LRRC37A2: variants seen among roughly 807,000 people sequenced by gnomAD.
LRRC37A2 encodes leucine-rich repeat-containing protein 37A2.
LRRC37A2 carries 9 observed loss-of-function variants against 68.8 expected under a neutral mutation model. The observed-to-expected ratio is 0.13, with a 90% CI of 0.08 to 0.23. The LOEUF is 0.23. Among genes scored for constraint, LRRC37A2 ranks in the 10% least tolerant of loss-of-function variants. The pLI is 1.00. For synonymous variants in LRRC37A2, 63 were observed against 367.6 expected, an observed-to-expected ratio of 0.17 and a Z score of 9.48; for missense variants, 168 against 950.4, an observed-to-expected ratio of 0.18 and a Z score of 10.82.
chr17:46,867,837 G>C, the LRRC37A2 span, among the ~76,000 whole-genome samples: 2 of 152,134 alleles, frequency 1.3e-5, no homozygotes, highest in African/African-American at 4.8e-5. Context: ...AGACAGGCTG[G>C]TCTGTCAAGT....
At chr17:46,816,273 C>T in the LRRC37A2 span, among the ~76,000 whole-genome samples, 1 of 152,062 alleles carries the variant, frequency 6.6e-6, no homozygotes, top group East Asian at 1.9e-4. Flanking sequence ...TACACATGTA[C>T]ATACACACAT....
the LRRC37A2 span, among the ~76,000 whole-genome samples, chr17:46,918,331 G>C: frequency 1.3e-5 from 2 of 152,138 alleles, no homozygotes; most frequent in African/African-American, 2.4e-5. Context: ...GCCCACCTTG[G>C]CCTCACTAAG....
At chr17:46,403,989 C>T in the LRRC37A2 span, among the ~76,000 whole-genome samples, 1 of 59,770 alleles carries the variant, frequency 1.7e-5, no homozygotes, top group East Asian at 3.1e-4. Flanking sequence ...TGTGAGCCAC[C>T]GCAGCTGGCC....
chr17:46,864,126 G>C, the LRRC37A2 span, among the ~76,000 whole-genome samples: 1 of 152,226 alleles, frequency 6.6e-6, no homozygotes, highest in African/African-American at 2.4e-5. Context: ...CTGTGCGTGG[G>C]AAGAGGGTGA....
chr17:46,891,925 T>C, the LRRC37A2 span, among the ~76,000 whole-genome samples: 4,749 of 143,424 alleles, frequency 0.033, 99 homozygotes, highest in Non-Finnish European at 0.045. Flanking sequence ...TTTCTTTTTT[T>C]TTTTTTTTTT....
chr17:46,964,310 C>G, the LRRC37A2 span: 1 of 152,436 alleles, frequency 6.6e-6, no homozygotes, highest in South Asian at 2.1e-4. Context: ...CCAGGGCTCT[C>G]TGACATCCAA....
At chr17:46,954,334 T>A in the LRRC37A2 span, among the ~76,000 whole-genome samples, 1 of 152,226 alleles carries the variant, frequency 6.6e-6, no homozygotes. Flanking sequence ...TTGTCAAAGA[T>A]CAGATAGTAG....
chr17:46,968,430 G>T, the LRRC37A2 span, among the ~76,000 whole-genome samples: 1 of 152,194 alleles, frequency 6.6e-6, no homozygotes, highest in Admixed American at 6.5e-5. Flanking sequence ...CTAAAGCCCT[G>T]CCTGGGGTGT....
the LRRC37A2 span, among the ~76,000 whole-genome samples, chr17:46,495,398 T>G: frequency 1.3e-5 from 2 of 150,184 alleles, no homozygotes; most frequent in African/African-American, 5.0e-5. Context: ...TTGTTTTTGT[T>G]TTTAGAGACA....
chr17:46,707,038 A>T, the LRRC37A2 span, among the ~76,000 whole-genome samples: 1 of 150,430 alleles, frequency 6.6e-6, no homozygotes, highest in African/African-American at 2.5e-5. Context: ...TTTAGTAGAG[A>T]CGGGGTTTCA....
chr17:46,727,039 T>C, the LRRC37A2 span, among the ~76,000 whole-genome samples: 1 of 152,118 alleles, frequency 6.6e-6, no homozygotes, highest in Non-Finnish European at 1.5e-5. Context: ...AGGGCAGAAG[T>C]TGTAAGCTCT....
the LRRC37A2 span, among the ~76,000 whole-genome samples, chr17:46,842,437 C>T: frequency 3.9e-5 from 6 of 152,238 alleles, no homozygotes; most frequent in Admixed American, 1.3e-4. Context: ...TGCAGTGGCG[C>T]GATCACGGCT....
chr17:46,939,287 AT>A, the LRRC37A2 span: 2 of 1,023,340 alleles, frequency 2.0e-6, no homozygotes, highest in Admixed American at 5.0e-5. Context: ...TGACATGTAG[AT>A]GACTGACTGC....
the LRRC37A2 span, among the ~76,000 whole-genome samples, chr17:46,959,773 C>T: frequency 6.6e-6 from 1 of 152,172 alleles, no homozygotes. Context: ...TTTTCCCTTC[C>T]CTTTTGTCTC....
chr17:47,015,006 CTT>C, the LRRC37A2 span, among the ~76,000 whole-genome samples: 4 of 106,134 alleles, frequency 3.8e-5, no homozygotes, highest in East Asian at 5.3e-4. Flanking sequence ...CCATTTTTAT[CTT>C]TTTTTTTTTT....
At chr17:46,789,256 T>C in the LRRC37A2 span, among the ~76,000 whole-genome samples, 1 of 152,172 alleles carries the variant, frequency 6.6e-6, no homozygotes, top group Non-Finnish European at 1.5e-5. Flanking sequence ...GGCTGGCACC[T>C]ACCTGGACTG....
the LRRC37A2 span, among the ~76,000 whole-genome samples, chr17:46,712,993 G>A: frequency 6.6e-6 from 1 of 152,322 alleles, no homozygotes; most frequent in African/African-American, 2.4e-5. Flanking sequence ...AGCCTGTTCA[G>A]TGTAATGGGG....
the LRRC37A2 span, among the ~76,000 whole-genome samples, chr17:46,942,217 A>G: frequency 6.6e-6 from 1 of 152,182 alleles, no homozygotes; most frequent in African/African-American, 2.4e-5. Flanking sequence ...AAAGAAAGAA[A>G]CGTCATCTGT....
the LRRC37A2 span, among the ~76,000 whole-genome samples, chr17:46,458,056 T>C: frequency 2.6e-5 from 2 of 76,378 alleles, no homozygotes; most frequent in Admixed American, 1.2e-4. Context: ...ATGAGATTTC[T>C]GGTTCTAGCA....
Sources: gnomAD v4.1 joint callset for allele counts (sites outside exome capture counted in the v4.1 genomes callset) on GRCh38, gnomAD v4.1.1 for gene constraint, MANE v1.5 for transcripts, NCBI Gene and HGNC (gene_info 2026-07-23, HGNC 2026-07-21) for gene names.